NUP155: variants seen among roughly 807,000 people sequenced by gnomAD.
NUP155 encodes the protein nucleoporin 155.
Under a neutral mutation model 180.4 loss-of-function variants are expected in NUP155, and 71 were observed. The observed-to-expected ratio is 0.39, with a 90% confidence interval of 0.33 to 0.48. The LOEUF (loss-of-function observed/expected upper bound fraction) is 0.48. Ranked by LOEUF, NUP155 falls within the 20% of genes least tolerant of loss-of-function variation. The probability of loss-of-function intolerance (pLI) is 0.91; values close to 1 mark genes in which losing one functional copy is unlikely to be tolerated. For synonymous variants in NUP155, 582 were observed against 559.5 expected (o/e 1.04, Z -0.57); for missense variants, 1,553 against 1,648.9 (o/e 0.94, Z 1.01).
Position 37,292,914 on chromosome 5 carries a change from ATATCT to A in NUP155, c.3997_4001del (p.Arg1333CysfsTer2). On this transcript the variant is annotated frameshift_variant, in exon 34 of 35. Coordinates refer to ENST00000231498, the MANE Select transcript of NUP155 (RefSeq NM_153485.3). ...TTAAAACTTGGCTGGGATTCTCAAC[ATATCT>A]TATCAATAATACATGTATACAATCC... 6.2e-7 allele frequency: 1 copy of A among 1,612,062 alleles called. No homozygotes were observed. Among genetic ancestry groups the A allele is most frequent in the Non-Finnish European group, 8.5e-7 (1 of 1,178,502 alleles).
Position 37,303,426 on chromosome 5 carries a change from A to G in NUP155, c.3163-12T>C. On this transcript the variant is annotated splice_polypyrimidine_tract_variant and intron_variant, in intron 27 of 34. Transcript: ENST00000231498. The stretch of plus-strand genomic sequence containing the variant: ...AATGGAGAAGCAACCTAGAAATTAT[A>G]TAGTTATTCAGAAAAATTTTCTAAC... 1 of 1,612,624 alleles carries G rather than the reference A, an allele frequency of 6.2e-7. No homozygotes were observed. The highest frequency in any genetic ancestry group is 8.5e-7 in the Non-Finnish European group (1 of 1,178,960).
intron 3 of NUP155, among the ~76,000 whole-genome samples, chr5:37,362,243 T>C (rs1747270868): frequency 6.6e-6 from 1 of 152,142 alleles, no homozygotes; most frequent in Admixed American, 6.6e-5. Context: ...ATGTATGTGT[T>C]AAATAAATAT....
intron 20 of NUP155, among the ~76,000 whole-genome samples, chr5:37,319,345 A>G: frequency 6.6e-6 from 1 of 152,306 alleles, no homozygotes; most frequent in South Asian, 2.1e-4. Context: ...AGTGGTATGT[A>G]AAGTAGATCT....
intron 6 of NUP155, among the ~76,000 whole-genome samples, chr5:37,350,597 A>G (rs918941094): frequency 3.3e-5 from 5 of 152,132 alleles, no homozygotes; most frequent in Non-Finnish European, 7.3e-5. Context: ...TGAGGTCAGG[A>G]GTTCGAGACC....
chr5:37,307,289 G>A lies in NUP155; in HGVS notation c.2903+8C>T. 9 of 1,613,318 alleles carry A rather than the reference G, an allele frequency of 5.6e-6. No individual in the cohort carries two copies. Among genetic ancestry groups the A allele is most frequent in the Non-Finnish European group, 7.6e-6 (9 of 1,179,522 alleles). On this transcript the variant is annotated splice_region_variant and intron_variant, in intron 25 of 34. Transcript: ENST00000231498. ...AAGATGACAATCTGCTAACGTAATG[G>A]AATGCACCTTTCTTGGAAGGCCTGA... is the stretch of plus-strand genomic sequence containing the variant.
Position 37,325,902 on chromosome 5 carries a change from G to A in NUP155, c.2090C>T (p.Ala697Val). 6.3e-7 allele frequency: 1 copy of A among 1,585,208 alleles called. No individual in the cohort carries two copies. The highest frequency in any genetic ancestry group is 1.1e-5 in the South Asian group (1 of 90,436). Residue 697 changes from alanine to valine, a missense_variant and splice_region_variant, in exon 19 of 35, where the codon GCA (alanine) becomes GTA (valine). Coordinates refer to ENST00000231498, the MANE Select transcript of NUP155 (RefSeq NM_153485.3). Reference sequence around the variant, plus strand: ...CAAAATAATATTATACACACTTACTGCAGTGATCTCTCTGTTGCCACTCTT... The same window carrying A: ...CAAAATAATATTATACACACTTACTACAGTGATCTCTCTGTTGCCACTCTT... Reference protein sequence around the residue: ...IFKSGNREITAIESSVPCQLL... With the variant: ...IFKSGNREITVIESSVPCQLL...
At position 37,351,178 on chromosome 5, in the gene NUP155, T is replaced by C. The variant is rs1296200686; in HGVS notation, c.723+12A>G. 3 of 1,612,152 alleles carry C rather than the reference T, an allele frequency of 1.9e-6. No individual in the cohort carries two copies. The highest frequency in any genetic ancestry group is 2.5e-6 in the Non-Finnish European group (3 of 1,178,540). The stretch of plus-strand genomic sequence containing the variant: ...AGAGAGAAAAAAAAACGTTTACAAA[T>C]GTCAGACTTACCTGGTAGGCTACTT... On this transcript the variant is annotated intron_variant, in intron 6 of 34. Coordinates refer to ENST00000231498, the MANE Select transcript of NUP155 (RefSeq NM_153485.3).
chr5:37,364,782 G>A (rs1295259150), intron 1 of NUP155, among the ~76,000 whole-genome samples: 4 of 151,626 alleles, frequency 2.6e-5, no homozygotes, highest in African/African-American at 9.7e-5. Context: ...GACTACAGGC[G>A]TCCGCCACCA....
chr5:37,370,957 G>A lies in NUP155; in HGVS notation c.21C>T (p.Gly7=), dbSNP rs61756070. 8.7e-3 allele frequency: 14,093 copies of A among 1,613,926 alleles called. 112 individuals are homozygous for A. Among genetic ancestry groups the A allele is most frequent in the South Asian group, 0.022 (1,997 of 91,084 alleles). The stretch of plus-strand genomic sequence containing the variant: ...CAGATGTAGAGGCCGGCATCGCCGC[G>A]CCCAACAAAGAAGACGGCATCTCGG... The part of the protein sequence containing the change: MPSSLL[G]AAMPASTSAA... Residue 7 remains glycine, a synonymous_variant, in exon 1 of 35, where the codon GGC becomes GGT. Transcript: ENST00000231498.
intron 9 of NUP155, among the ~76,000 whole-genome samples, chr5:37,344,345 GA>G (rs537055020): frequency 7.0e-3 from 379 of 54,116 alleles, no homozygotes; most frequent in African/African-American, 0.012. Context: ...CTGTCTCAAA[GA>G]AAAAAAAAAA....
At chr5:37,359,909 T>C (rs1747086779) in intron 3 of NUP155, among the ~76,000 whole-genome samples, 1 of 152,078 alleles carries the variant, frequency 6.6e-6, no homozygotes, top group Non-Finnish European at 1.5e-5. Context: ...CTTGAGGCCA[T>C]GAGTTCAAGA....
In NUP155 at chr5:37,342,692, T is replaced by C. The variant is rs988459837; in HGVS notation, c.996-46A>G. ...AAGTGTATTTTTAAAATGTGTCTGC[T>C]AAATTATAAGAAATATTTCCCATCA... On this transcript the variant is annotated intron_variant, in intron 9 of 34. Coordinates refer to ENST00000231498, the MANE Select transcript of NUP155 (RefSeq NM_153485.3). 2.5e-6 allele frequency: 3 copies of C among 1,185,884 alleles called. No homozygotes were observed. In the African/African-American group the frequency reaches 4.6e-5, roughly 18 times the overall value. The allele number at this position is 1,185,884 out of a possible 1,614,324, so 73.5% of individuals were successfully genotyped here. A position where few individuals can be genotyped will look rare whatever the true frequency, so the allele number is the denominator to read the frequency against.
chr5:37,364,425 C>T (rs1004869870), intron 1 of NUP155, 41 bp from the exon 2 acceptor site: 2 of 1,586,622 alleles, frequency 1.3e-6, no homozygotes, highest in Non-Finnish European at 1.7e-6. Flanking sequence ...ATGTACTGCT[C>T]ATCAACCGGG....
At chr5:37,352,860 CTTTCAGCA>C (rs1157289271) in intron 4 of NUP155, 31 bp from the exon 5 acceptor site, 4 of 1,475,578 alleles carry the variant, frequency 2.7e-6, no homozygotes, top group Non-Finnish European at 3.8e-6. Context: ...GGCAGGAATA[CTTTCAGCA>C]TTTAAGCACT....
chr5:37,334,624 G>A (rs1019189817), intron 12 of NUP155, among the ~76,000 whole-genome samples: 4 of 152,042 alleles, frequency 2.6e-5, no homozygotes, highest in African/African-American at 9.7e-5. Flanking sequence ...CAGGTGATCT[G>A]CCTGCCTTGG....
intron 9 of NUP155, among the ~76,000 whole-genome samples, chr5:37,345,039 C>G (rs1745985992): frequency 6.6e-6 from 1 of 150,736 alleles, no homozygotes; most frequent in African/African-American, 2.5e-5. Context: ...AAAAATTAGC[C>G]AGGTGGAGGT....
rs1212765260 is a variant in NUP155, at chr5:37,364,232, AAAGT to A, written c.295+11_295+14del. ...ATTTTAACATTTTTAAAATAAATACAAAGTAATAGGATACGTCCAAACTGCTCAA... is the reference window on the plus strand; with the variant it reads ...ATTTTAACATTTTTAAAATAAATACAAATAGGATACGTCCAAACTGCTCAA... On this transcript the variant is annotated intron_variant, in intron 2 of 34. Coordinates refer to ENST00000231498, the MANE Select transcript of NUP155 (RefSeq NM_153485.3). 6.3e-7 allele frequency: 1 copy of A among 1,592,150 alleles called. No homozygotes were observed. The highest frequency in any genetic ancestry group is 8.6e-7 in the Non-Finnish European group (1 of 1,160,588).
intron 34 of NUP155, among the ~76,000 whole-genome samples, chr5:37,292,247 G>A (rs952001016): frequency 4.0e-5 from 6 of 150,002 alleles, no homozygotes; most frequent in African/African-American, 7.4e-5. Flanking sequence ...ACGGAGTCTC[G>A]CTCTGTCACT....
At chr5:37,323,964 T>C in intron 20 of NUP155, 28 bp downstream of exon 20, 1 of 1,400,332 alleles carries the variant, frequency 7.1e-7, no homozygotes, top group Non-Finnish European at 1.0e-6. Context: ...AAGAAAAAGA[T>C]GAATTAATAA....
Sources: allele counts gnomAD v4.1 joint callset (sites outside exome capture counted in the v4.1 genomes callset), GRCh38; gene constraint gnomAD v4.1.1; transcripts MANE v1.5; gene names NCBI Gene and HGNC (gene_info 2026-07-23, HGNC 2026-07-21).